LRP6: variants seen among roughly 807,000 people sequenced by gnomAD.
LRP6 encodes low-density lipoprotein receptor-related protein 6.
In LRP6, 43 loss-of-function variants were observed where a neutral mutation model predicts 184.1. The observed-to-expected ratio is 0.23, with a 90% CI of 0.18 to 0.30. The LOEUF is 0.30. Ranked by LOEUF, LRP6 falls within the 10% of genes least tolerant of loss-of-function variation. The pLI is 1.00. For missense variants in LRP6, 1,571 were observed against 2,005.3 expected (o/e 0.78, Z 4.14); for synonymous variants, 719 against 684.9 (o/e 1.05, Z -0.78).
At chr12:12,125,176 G>T in intron 21 of LRP6, 120 bp downstream of exon 21, 2 of 1,163,920 alleles carry the variant, frequency 1.7e-6, no homozygotes, top group Non-Finnish European at 2.5e-6. Context: ...AGCCTTTTAT[G>T]CCTAAATTTT....
chr12:12,255,587 T>C (rs1591991203), intron 1 of LRP6, among the ~76,000 whole-genome samples: 2 of 149,272 alleles, frequency 1.3e-5, no homozygotes. Flanking sequence ...TTTTTTTTTT[T>C]TGAGACAGAG....
chr12:12,138,902 T>A (rs759045701), intron 15 of LRP6: 29 of 1,370,778 alleles, frequency 2.1e-5, no homozygotes, highest in Non-Finnish European at 2.7e-5. Flanking sequence ...ACCTGAGGCA[T>A]TTATGAAGAA....
chr12:12,179,127 A>C lies in LRP6; in HGVS notation c.1545+683T>G, dbSNP rs549929566. On this transcript the variant is annotated intron_variant, in intron 7 of 22. Coordinates refer to ENST00000261349, the MANE Select transcript of LRP6 (RefSeq NM_002336.3). ...TAGACTTAACACCAATATCAGGGATATAGGCCACTAATAAAACACTGTGAT... is the reference window on the plus strand; with the variant it reads ...TAGACTTAACACCAATATCAGGGATCTAGGCCACTAATAAAACACTGTGAT... Among the ~76,000 whole-genome samples, 5 of 152,332 alleles carry C rather than the reference A, an allele frequency of 3.3e-5. No individual in the cohort carries two copies. The East Asian group carries it at 7.7e-4, about 23-fold the overall frequency.
intron 15 of LRP6, among the ~76,000 whole-genome samples, chr12:12,144,585 A>T (rs888743485): frequency 6.6e-6 from 1 of 152,320 alleles, no homozygotes; most frequent in African/African-American, 2.4e-5. Context: ...AGGCTGCAGC[A>T]AGCTATAATC....
At chr12:12,260,488 A>G (rs1261437772) in intron 1 of LRP6, among the ~76,000 whole-genome samples, 2 of 152,234 alleles carry the variant, frequency 1.3e-5, no homozygotes, top group Admixed American at 6.5e-5. Context: ...GTTGCAGAAG[A>G]ATCAAAAAAA....
At chr12:12,213,449 G>T in intron 2 of LRP6, among the ~76,000 whole-genome samples, 1 of 151,572 alleles carries the variant, frequency 6.6e-6, no homozygotes, top group Admixed American at 6.6e-5. Context: ...ATATATCAAG[G>T]CTAACTCTAT....
At position 12,181,213 on chromosome 12, in the gene LRP6, T is replaced by G; in HGVS notation, c.1203A>C (p.Gln401His). The G allele has an allele frequency of 6.2e-7, 1 of 1,614,184 alleles. No individual in the cohort carries two copies. The highest frequency in any genetic ancestry group is 8.5e-7 in the Non-Finnish European group (1 of 1,180,006). Residue 401 changes from glutamine to histidine, a missense_variant, in exon 6 of 23, where the codon CAA (glutamine) becomes CAC (histidine). Transcript: ENST00000261349. ...CAGCAATACCATCAGGATGGGCAATTTGAGCAGTGACCACAAACTGACTGC... is the reference window on the plus strand; with the variant it reads ...CAGCAATACCATCAGGATGGGCAATGTGAGCAGTGACCACAAACTGACTGC... Reference protein sequence around the residue: ...GSGSQFVVTAQIAHPDGIAVD... With the variant: ...GSGSQFVVTAHIAHPDGIAVD...
At position 12,266,885 on chromosome 12, in the gene LRP6, T is replaced by C. The variant is rs1865784012; in HGVS notation, c.-150A>G. The C allele has an allele frequency of 1.4e-6, 1 of 720,092 alleles. No homozygotes were observed. The highest frequency in any genetic ancestry group is 2.4e-6 in the Non-Finnish European group (1 of 413,032). 44.6% of individuals were successfully genotyped at this position (720,092 alleles called of 1,614,324 possible). On this transcript the variant is annotated 5_prime_UTR_variant, in exon 1 of 23. Transcript: ENST00000261349. ...GAAGAAAGAAAGGGGCACGTCAAGG[T>C]TCCGCGCGCGCCGCCGCCGCCCTCT...
chr12:12,227,519 T>G (rs1864660788), intron 2 of LRP6, among the ~76,000 whole-genome samples: 1 of 151,980 alleles, frequency 6.6e-6, no homozygotes, highest in Non-Finnish European at 1.5e-5. Context: ...GCGATTTTCC[T>G]GCCTCAGTCT....
chr12:12,179,381 G>GAT (rs1228683235), intron 7 of LRP6, among the ~76,000 whole-genome samples: 12 of 60,842 alleles, frequency 2.0e-4, no homozygotes, highest in African/African-American at 4.7e-4. Context: ...TATAGATATA[G>GAT]ATATAGATAT....
rs959091614 is a variant in LRP6 at position 12,155,449 on chromosome 12, G to C, written c.2791+3380C>G. ...AGTGTTACCACTGCAAAACTGGAAGGGTCTACAATGTTACCCAGCATGCTG... is the reference window on the plus strand; with the variant it reads ...AGTGTTACCACTGCAAAACTGGAAGCGTCTACAATGTTACCCAGCATGCTG... On this transcript the variant is annotated intron_variant, in intron 12 of 22. Coordinates refer to ENST00000261349, the MANE Select transcript of LRP6 (RefSeq NM_002336.3). 4.2e-6 allele frequency: 4 copies of C among 959,824 alleles called. No individual in the cohort carries two copies. The Admixed American group carries it at 5.1e-5, about 12-fold the overall frequency. The allele number at this position is 959,824 out of a possible 1,614,324, so 59.5% of individuals were successfully genotyped here.
rs573979344 is a variant in LRP6 at position 12,249,617 on chromosome 12, G to C, written c.56-4962C>G. ...CCCATTCAAAGGAAATTTATCTTAA[G>C]ATGCTGTAAAACTAATTTTTTGTCC... On this transcript the variant is annotated intron_variant, in intron 1 of 22. Coordinates refer to ENST00000261349, the MANE Select transcript of LRP6 (RefSeq NM_002336.3). Among the ~76,000 whole-genome samples the C allele has an allele frequency of 2.0e-5, 3 of 151,452 alleles. No homozygotes were observed. The South Asian group carries it at 6.2e-4, about 31-fold the overall frequency.
intron 8 of LRP6, 22 bp from the exon 9 acceptor site, chr12:12,164,584 G>A (rs1219375540): frequency 6.2e-7 from 1 of 1,611,382 alleles, no homozygotes; most frequent in East Asian, 2.2e-5. Context: ...ATTATAAAAG[G>A]GGCACAGAAG....
chr12:12,216,049 C>T (rs7979919), intron 2 of LRP6, among the ~76,000 whole-genome samples: 15,166 of 152,096 alleles, frequency 0.1, 834 homozygotes, highest in African/African-American at 0.14. Context: ...GTGTGATAGA[C>T]TAATGTATCT....
chr12:12,147,459 T>C lies in LRP6; in HGVS notation c.3304A>G (p.Ser1102Gly). Residue 1102 changes from serine to glycine, a missense_variant, in exon 15 of 23, where the codon AGT becomes GGT. Transcript: ENST00000261349. ...TCAAGGGCTAAAGCAATTGGTTTACTTAAGCCACTGAAAAAGAGGACCTCC... is the reference window on the plus strand; with the variant it reads ...TCAAGGGCTAAAGCAATTGGTTTACCTAAGCCACTGAAAAAGAGGACCTCC... ...EREVLFFSGL[S>G]KPIALALDSR... is the part of the protein sequence containing the mutation. The C allele has an allele frequency of 2.5e-6, 4 of 1,614,130 alleles. No homozygotes were observed. Among genetic ancestry groups the C allele is most frequent in the Non-Finnish European group, 3.4e-6 (4 of 1,180,018 alleles).
At position 12,203,199 on chromosome 12, in the gene LRP6, T is replaced by C; in HGVS notation, c.647+4A>G. 2 of 1,594,096 alleles carry C rather than the reference T, an allele frequency of 1.3e-6. No homozygotes were observed. The highest frequency in any genetic ancestry group is 1.7e-6 in the Non-Finnish European group (2 of 1,172,016). ...AAAGTTTTTTCTAATTCTTGTAATC[T>C]TACCGATTTGTTCCATCCAGATTTG... is the stretch of plus-strand genomic sequence containing the variant. On this transcript the variant is annotated splice_donor_region_variant and intron_variant, in intron 3 of 22. Coordinates refer to ENST00000261349, the MANE Select transcript of LRP6 (RefSeq NM_002336.3).
intron 1 of LRP6, among the ~76,000 whole-genome samples, chr12:12,264,494 C>G (rs959891200): frequency 1.3e-5 from 2 of 152,142 alleles, no homozygotes; most frequent in African/African-American, 2.4e-5. Context: ...ACAGTATTCC[C>G]TGGCTTTCTG....
At chr12:12,184,156 T>C (rs1863412356) in intron 4 of LRP6, 45 bp from the exon 5 acceptor site, 10 of 1,560,982 alleles carry the variant, frequency 6.4e-6, no homozygotes, top group Non-Finnish European at 7.1e-6. Flanking sequence ...GATTACTAAG[T>C]ACACAAAGGT....
intron 2 of LRP6, among the ~76,000 whole-genome samples, chr12:12,239,667 CTTT>C (rs751475862): frequency 1.4e-5 from 2 of 143,848 alleles, no homozygotes; most frequent in African/African-American, 5.1e-5. Context: ...TATTCTTTTT[CTTT>C]TTTTTTTTTC....
Sources: allele counts gnomAD v4.1 joint callset (sites outside exome capture counted in the v4.1 genomes callset), GRCh38; gene constraint gnomAD v4.1.1; transcripts MANE v1.5; gene names NCBI Gene and HGNC (gene_info 2026-07-23, HGNC 2026-07-21).